The following PDE2A variants were observed in gnomAD, a reference collection of about 807,000 sequenced individuals.
The protein encoded by PDE2A is phosphodiesterase 2A.
Under a neutral mutation model 133.6 loss-of-function variants are expected in PDE2A, and 53 were observed. That is an observed-to-expected ratio of 0.40 (90% CI 0.32 to 0.50). The LOEUF (loss-of-function observed/expected upper bound fraction) is 0.50, where lower values mean the gene tolerates loss of function less well. PDE2A is among the 20% of genes least tolerant of loss of function. PDE2A has a pLI of 0.73. For missense variants in PDE2A, 796 were observed against 1,232.4 expected, an observed-to-expected ratio of 0.65 and a Z score of 5.30; for synonymous variants, 491 against 490.2, an observed-to-expected ratio of 1.00 and a Z score of -0.02.
chr11:72,608,832 AC>A (rs1201056195), intron 2 of PDE2A, 81 bp from the exon 3 acceptor site: 1 of 749,986 alleles, frequency 1.3e-6, no homozygotes, highest in Non-Finnish European at 2.4e-6. Context: ...TGTGAGCAAA[AC>A]CCCCCAGCTT....
chr11:72,598,715 T>C, intron 4 of PDE2A: 2 of 1,276,010 alleles, frequency 1.6e-6, no homozygotes, highest in Non-Finnish European at 2.0e-6. Context: ...AGTCACGAGA[T>C]CACTAGGTCA....
intron 2 of PDE2A, among the ~76,000 whole-genome samples, chr11:72,624,055 A>G (rs1857924212): frequency 6.7e-6 from 1 of 149,878 alleles, no homozygotes; most frequent in Non-Finnish European, 1.5e-5. Flanking sequence ...GCAATGGCTC[A>G]ATCTTGGCTC....
rs1857085724 is a variant in PDE2A, at chr11:72,608,869, A to G, written c.145-118T>C. ...AGTCCAGAGCCCGAGTCTTTCAGGC[A>G]CAGGAATCCCAGGATCTTAGGATCT... On this transcript the variant is annotated intron_variant, in intron 2 of 30. Transcript: ENST00000334456. 2.9e-5 allele frequency: 19 copies of G among 647,080 alleles called. No individual in the cohort carries two copies. The South Asian group carries it at 3.1e-4, about 11-fold the overall frequency. 40.1% of individuals were successfully genotyped at this position (647,080 alleles called of 1,614,324 possible).
At chr11:72,669,315 T>C (rs1855329333) in intron 1 of PDE2A, among the ~76,000 whole-genome samples, 1 of 152,062 alleles carries the variant, frequency 6.6e-6, no homozygotes, top group South Asian at 2.1e-4. Flanking sequence ...GCAACCACAC[T>C]GTTGGGAAGT....
intron 1 of PDE2A, among the ~76,000 whole-genome samples, chr11:72,651,765 G>C (rs1342238655): frequency 6.6e-6 from 1 of 152,214 alleles, no homozygotes; most frequent in Non-Finnish European, 1.5e-5. Flanking sequence ...CTTGGGATAA[G>C]GGATCTTTAA....
Position 72,577,392 on chromosome 11 carries a change from C to T in PDE2A, c.2818G>A (p.Ala940Thr). The T allele has an allele frequency of 6.2e-7, 1 of 1,611,900 alleles. No individual in the cohort carries two copies. Among genetic ancestry groups the T allele is most frequent in the Non-Finnish European group, 8.5e-7 (1 of 1,178,582 alleles). ...APINGCCSLDAE is the reference protein window; with the variant it reads ...APINGCCSLDTE ...AGTGTCCCTGGAGGGGATCACTCAG[C>T]ATCAAGGCTGCAGCAGCCATTGATG... Residue 940 changes from alanine to threonine, a missense_variant, in exon 31 of 31, where the codon GCT becomes ACT. Ala to Thr is a moderately conservative substitution (Grantham distance 58). Around this residue, in one of 7 missense-constraint regions of PDE2A, gnomAD observed 83 missense variants for 99.0 expected, o/e 0.84. Transcript: ENST00000334456.
At chr11:72,623,655 C>T (rs1279924769) in intron 2 of PDE2A, among the ~76,000 whole-genome samples, 1 of 152,196 alleles carries the variant, frequency 6.6e-6, no homozygotes, top group Non-Finnish European at 1.5e-5. Flanking sequence ...TGACCCTCCC[C>T]CTTGCCTTTG....
intron 1 of PDE2A, among the ~76,000 whole-genome samples, chr11:72,656,637 A>C (rs1003385523): frequency 9.2e-5 from 14 of 151,876 alleles, no homozygotes; most frequent in African/African-American, 3.4e-4. Flanking sequence ...TGCTGATGCA[A>C]ATTTCATTCA....
intron 2 of PDE2A, among the ~76,000 whole-genome samples, chr11:72,629,306 G>A (rs2135412891): frequency 6.6e-6 from 1 of 152,356 alleles, no homozygotes; most frequent in Middle Eastern, 3.4e-3. Context: ...AGGCATAGCA[G>A]GGTGCCTGGA....
intron 2 of PDE2A, among the ~76,000 whole-genome samples, chr11:72,631,421 T>A (rs747717777): frequency 6.6e-6 from 1 of 152,132 alleles, no homozygotes. Flanking sequence ...ACCTCTTTAC[T>A]CTTTCTGAGG....
intron 1 of PDE2A, among the ~76,000 whole-genome samples, chr11:72,649,546 C>T (rs552798987): frequency 3.9e-4 from 60 of 152,348 alleles, no homozygotes; most frequent in Non-Finnish European, 7.1e-4. Flanking sequence ...GGCCCAGGGA[C>T]GTCTGGAAGG....
intron 2 of PDE2A, among the ~76,000 whole-genome samples, chr11:72,632,331 C>T (rs1858448503): frequency 1.3e-5 from 2 of 152,184 alleles, no homozygotes; most frequent in South Asian, 4.1e-4. Context: ...CTGTGCCCTG[C>T]AGGGTCTTCC....
chr11:72,577,324 G>T lies in PDE2A; in HGVS notation c.*60C>A. On this transcript the variant is annotated 3_prime_UTR_variant, in exon 31 of 31. Coordinates refer to ENST00000334456, the MANE Select transcript of PDE2A (RefSeq NM_002599.5). ...CCGTGGCTCTGTTCCCAGTGCATCT[G>T]GCCAGACCAGTGGAGGGCTGTGGGA... 3 of 1,355,134 alleles carry T rather than the reference G, an allele frequency of 2.2e-6. No individual in the cohort carries two copies. In the South Asian group the frequency reaches 3.8e-5, roughly 17 times the overall value. The allele number at this position is 1,355,134 out of a possible 1,614,324, so 83.9% of individuals were successfully genotyped here.
At chr11:72,669,376 C>A (rs776586888) in intron 1 of PDE2A, among the ~76,000 whole-genome samples, 5 of 152,082 alleles carry the variant, frequency 3.3e-5, no homozygotes, top group Non-Finnish European at 7.4e-5. Context: ...GCCCCAGTTG[C>A]CTCCTGTTTT....
intron 20 of PDE2A, 94 bp downstream of exon 20, chr11:72,583,344 T>A (rs983133942): frequency 7.8e-6 from 7 of 896,956 alleles, no homozygotes; most frequent in Non-Finnish European, 1.3e-5. Context: ...GGGCCTATCC[T>A]CTCATCCTCA....
intron 4 of PDE2A, among the ~76,000 whole-genome samples, chr11:72,603,686 T>C (rs1269360731): frequency 1.3e-5 from 2 of 152,208 alleles, no homozygotes; most frequent in Admixed American, 6.5e-5. Context: ...CCCCTTAAGG[T>C]TCTAAAGACC....
chr11:72,670,166 C>T (rs1238578714), intron 1 of PDE2A, among the ~76,000 whole-genome samples: 2 of 150,412 alleles, frequency 1.3e-5, no homozygotes, highest in Non-Finnish European at 2.9e-5. Flanking sequence ...AGTGCTGTCC[C>T]TCAACTCAGC....
intron 1 of PDE2A, among the ~76,000 whole-genome samples, chr11:72,667,630 C>G (rs560266307): frequency 2.6e-5 from 4 of 152,268 alleles, no homozygotes; most frequent in African/African-American, 9.6e-5. Context: ...GACAGCACCC[C>G]CTTCTGGAGA....
chr11:72,602,128 C>T (rs1382435112), intron 4 of PDE2A, among the ~76,000 whole-genome samples: 5 of 152,132 alleles, frequency 3.3e-5, no homozygotes, highest in African/African-American at 1.2e-4. Context: ...ATGGGATTGG[C>T]TGAGATGAAA....
Sources: allele counts gnomAD v4.1 joint callset (sites outside exome capture counted in the v4.1 genomes callset), GRCh38; gene constraint gnomAD v4.1.1; regional missense constraint gnomAD v4.1.1; transcripts MANE v1.5; gene names NCBI Gene and HGNC (gene_info 2026-07-23, HGNC 2026-07-21).